Variants in DAGLA observed in about 807,000 individuals in gnomAD.
The protein encoded by DAGLA is diacylglycerol lipase-alpha.
Under a neutral mutation model 102.6 loss-of-function variants are expected in DAGLA, and 22 were observed. That is an observed-to-expected ratio of 0.21 (90% CI 0.15 to 0.31). The LOEUF (loss-of-function observed/expected upper bound fraction) is 0.31. Among genes scored for constraint, DAGLA ranks in the 10% least tolerant of loss-of-function variants. The pLI is 1.00. For missense variants in DAGLA, 927 were observed against 1,446.6 expected (o/e 0.64, Z 5.83); for synonymous variants, 578 against 628.9 (o/e 0.92, Z 1.21).
rs1414605710 is a variant in DAGLA at position 61,734,259 on chromosome 11, G to C, written c.975-590G>C. ...TGTACTGACCGAGTGGCATGGCCGT[G>C]GGGGTGAGGGCTGAGGAGCCACAGA... On this transcript the variant is annotated intron_variant, in intron 9 of 19. Coordinates refer to ENST00000257215, the MANE Select transcript of DAGLA (RefSeq NM_006133.3). The surrounding 1 kb of genome is among the most constrained non-coding windows in gnomAD (Gnocchi z 4.2). Among the ~76,000 whole-genome samples, 1 of 93,934 alleles carries C rather than the reference G, an allele frequency of 1.1e-5. No individual in the cohort carries two copies. The highest frequency in any genetic ancestry group is 3.7e-5 in the African/African-American group (1 of 26,700). 61.6% of individuals were successfully genotyped at this position (93,934 alleles called of 152,430 possible).
chr11:61,722,595 C>T (rs1426127349), intron 3 of DAGLA, among the ~76,000 whole-genome samples: 2 of 151,628 alleles, frequency 1.3e-5, no homozygotes, highest in African/African-American at 2.4e-5. Context: ...AGGGATGCCC[C>T]GGGGACTTGA....
At chr11:61,683,913 C>T (rs1434672797) in intron 1 of DAGLA, among the ~76,000 whole-genome samples, 1 of 152,198 alleles carries the variant, frequency 6.6e-6, no homozygotes, top group African/African-American at 2.4e-5. Flanking sequence ...AATATTTCAA[C>T]TCTGGTCCCC....
At chr11:61,736,398 T>G in intron 13 of DAGLA, 48 bp downstream of exon 13, 1 of 1,462,954 alleles carries the variant, frequency 6.8e-7, no homozygotes, top group Non-Finnish European at 9.6e-7. Context: ...TGGGTCCCCC[T>G]CCTCCAACGC....
At chr11:61,728,331 C>T (rs1439129793) in intron 7 of DAGLA, 44 bp downstream of exon 7, 2 of 1,597,278 alleles carry the variant, frequency 1.3e-6, no homozygotes, top group African/African-American at 1.3e-5. Flanking sequence ...CTCCACACCA[C>T]CCTTCTTTCA....
rs1309444131 is a variant in DAGLA at position 61,731,449 on chromosome 11, C to T, written c.974+8C>T. 6.2e-7 allele frequency: 1 copy of T among 1,612,880 alleles called. No homozygotes were observed. Among genetic ancestry groups the T allele is most frequent in the East Asian group, 2.2e-5 (1 of 44,872 alleles). On this transcript the variant is annotated splice_region_variant and intron_variant, in intron 9 of 19. Coordinates refer to ENST00000257215, the MANE Select transcript of DAGLA (RefSeq NM_006133.3). ...ACTGGCTCGGTCCTGCTCGTGAGTA[C>T]CCCTGTCCCATCCCCCAGCGATTGC...
At chr11:61,703,802 G>C (rs1265721817) in intron 1 of DAGLA, among the ~76,000 whole-genome samples, 1 of 152,198 alleles carries the variant, frequency 6.6e-6, no homozygotes, top group Non-Finnish European at 1.5e-5. Flanking sequence ...CAAAAGACAG[G>C]TTAACAAGAG....
At chr11:61,728,111 C>T in intron 6 of DAGLA, 42 bp from the exon 7 acceptor site, 1 of 1,611,602 alleles carries the variant, frequency 6.2e-7, no homozygotes, top group Middle Eastern at 1.7e-4. Context: ...GTCCTCTCTC[C>T]TGCTCCCCTG....
At chr11:61,690,590 T>C (rs1178176728) in intron 1 of DAGLA, among the ~76,000 whole-genome samples, 1 of 152,104 alleles carries the variant, frequency 6.6e-6, no homozygotes, top group Admixed American at 6.5e-5. Context: ...ATGGCACCCA[T>C]GGAGGAAGCA....
intron 9 of DAGLA, among the ~76,000 whole-genome samples, chr11:61,731,819 T>C (rs2065377968): frequency 6.6e-6 from 1 of 152,152 alleles, no homozygotes; most frequent in Middle Eastern, 3.2e-3. Flanking sequence ...GCGTTCTCTC[T>C]CTGCCCCCTC....
Position 61,726,102 on chromosome 11 carries a change from T to C in DAGLA, c.636+20T>C, listed in dbSNP as rs767668241. ...CAGTCAGTAAGTACTGGGAGGTCGC[T>C]CCCCTCTGGCTCACATCCTGTGGTC... On this transcript the variant is annotated intron_variant, in intron 6 of 19. Transcript: ENST00000257215. 4 of 1,605,940 alleles carry C rather than the reference T, an allele frequency of 2.5e-6. No individual in the cohort carries two copies. The highest frequency in any genetic ancestry group is 4.5e-5 in the East Asian group (2 of 44,868).
intron 1 of DAGLA, among the ~76,000 whole-genome samples, chr11:61,704,920 A>G (rs934470694): frequency 6.6e-6 from 1 of 152,162 alleles, no homozygotes; most frequent in African/African-American, 2.4e-5. Flanking sequence ...CATGATTGGG[A>G]ACCCTCAGCG....
chr11:61,740,516 C>T lies in DAGLA; in HGVS notation c.1907C>T (p.Ala636Val). ...TYFAIWGDNK[A>V]FNEVIISPAM... Reference sequence around the variant, plus strand: ...TTTGCCATCTGGGGCGACAACAAGGCCTTCAATGAGGTGATCATCTCGCCA... The same window carrying T: ...TTTGCCATCTGGGGCGACAACAAGGTCTTCAATGAGGTGATCATCTCGCCA... Residue 636 changes from alanine to valine, a missense_variant, in exon 18 of 20, where the codon GCC (alanine) becomes GTC (valine). By Grantham distance (64) the Ala-to-Val change is moderately conservative. Coordinates refer to ENST00000257215, the MANE Select transcript of DAGLA (RefSeq NM_006133.3). The T allele has an allele frequency of 6.2e-7, 1 of 1,613,926 alleles. No individual in the cohort carries two copies. Among genetic ancestry groups the T allele is most frequent in the East Asian group, 2.2e-5 (1 of 44,876 alleles).
At chr11:61,681,865 G>A (rs1432891195) in intron 1 of DAGLA, among the ~76,000 whole-genome samples, 1 of 152,194 alleles carries the variant, frequency 6.6e-6, no homozygotes, top group Non-Finnish European at 1.5e-5. Flanking sequence ...ATCACCTAGT[G>A]CCTTACTTTA....
rs552196071 is a variant in DAGLA at position 61,684,667 on chromosome 11, C to T, written c.-45+4163C>T. Among the ~76,000 whole-genome samples, 7 of 152,098 alleles carry T rather than the reference C, an allele frequency of 4.6e-5. No homozygotes were observed. Among genetic ancestry groups the T allele is most frequent in the African/African-American group, 9.7e-5 (4 of 41,404 alleles). ...TAGATGGGGATGGGGCTGTTATTAC[C>T]GCGGGGCTGCCCGGGGAGTGCACGT... On this transcript the variant is annotated intron_variant, in intron 1 of 19. Transcript: ENST00000257215. The surrounding 1 kb of genome is among the most constrained non-coding windows in gnomAD (Gnocchi z 4.5).
rs764810343 is a variant in DAGLA, at chr11:61,743,766, C to T, written c.2406C>T (p.Ser802=). Residue 802 remains serine, a synonymous_variant, in exon 20 of 20, where the codon AGC becomes AGT. Coordinates refer to ENST00000257215, the MANE Select transcript of DAGLA (RefSeq NM_006133.3). The stretch of plus-strand genomic sequence containing the variant: ...CGCGCCGCTCCTCAGGCTTCCGCAG[C>T]ATCCGGGGCTCCCCCAGCCTCCACG... ...FDSRRSSGFR[S]IRGSPSLHAV... 3.7e-6 allele frequency: 6 copies of T among 1,612,386 alleles called. No homozygotes were observed. Among genetic ancestry groups the T allele is most frequent in the Middle Eastern group, 1.6e-4 (1 of 6,084 alleles).
intron 13 of DAGLA, 129 bp from the exon 14 acceptor site, chr11:61,737,053 A>C (rs1236919183): frequency 1.0e-5 from 13 of 1,306,134 alleles, no homozygotes; most frequent in Non-Finnish European, 1.4e-5. Flanking sequence ...GTGCCCTAGC[A>C]TTCACACAGC....
At chr11:61,725,964 C>T (rs1565258751) in intron 5 of DAGLA, 31 bp from the exon 6 acceptor site, 11 of 1,601,018 alleles carry the variant, frequency 6.9e-6, no homozygotes, top group Non-Finnish European at 8.6e-6. Flanking sequence ...AGCCCTCTGA[C>T]CTCACACATA....
chr11:61,723,902 TAAC>T (rs1020710028), intron 5 of DAGLA, among the ~76,000 whole-genome samples: 1 of 152,194 alleles, frequency 6.6e-6, no homozygotes, highest in Non-Finnish European at 1.5e-5. Context: ...ACAATGGTAA[TAAC>T]AGTGAAGCCA....
intron 17 of DAGLA, 41 bp downstream of exon 17, chr11:61,739,702 C>CAGGGCAGGGGCAGTGG (rs1391101818): frequency 6.3e-7 from 1 of 1,594,802 alleles, no homozygotes; most frequent in African/African-American, 1.3e-5. Flanking sequence ...GGGTAGTGGC[C>CAGGGCAGGGGCAGTGG]AGGGCAGGGG....
Sources: allele counts gnomAD v4.1 joint callset (sites outside exome capture counted in the v4.1 genomes callset), GRCh38; gene constraint gnomAD v4.1.1; non-coding constraint Gnocchi (gnomAD v3.1); transcripts MANE v1.5; gene names NCBI Gene and HGNC (gene_info 2026-07-23, HGNC 2026-07-21).